Variants in PTPRM observed in about 807,000 individuals in gnomAD.
The protein encoded by PTPRM is protein tyrosine phosphatase receptor type M.
In PTPRM, 47 loss-of-function variants were observed where a neutral mutation model predicts 186.7. The ratio of observed to expected loss-of-function variants is 0.25; its 90% CI spans 0.20 to 0.32. The LOEUF is 0.32. PTPRM is among the 10% of genes least tolerant of loss of function. The pLI, the probability that PTPRM is intolerant of heterozygous loss-of-function variation, is 1.00. For missense variants in PTPRM, 1,494 were observed against 1,865.0 expected (o/e 0.80, Z 3.66); for synonymous variants, 668 against 674.9 (o/e 0.99, Z 0.16).
intron 23 of PTPRM, among the ~76,000 whole-genome samples, chr18:8,361,598 T>C (rs570872471): frequency 6.6e-6 from 1 of 152,356 alleles, no homozygotes; most frequent in South Asian, 2.1e-4. Context: ...GAACCCATGC[T>C]CCTGACTCCT....
At chr18:7,573,765 T>G (rs1275285002) in intron 1 of PTPRM, among the ~76,000 whole-genome samples, 2 of 151,754 alleles carry the variant, frequency 1.3e-5, no homozygotes, top group East Asian at 1.9e-4. Context: ...AATTTTTGTA[T>G]TTTTAGTAGA....
chr18:8,161,565 G>C (rs1363944492), intron 14 of PTPRM, among the ~76,000 whole-genome samples: 1 of 152,036 alleles, frequency 6.6e-6, no homozygotes, highest in Non-Finnish European at 1.5e-5. Flanking sequence ...TTTTTGGTTG[G>C]CAATGAATCA....
At chr18:8,293,155 C>G (rs565061718) in intron 19 of PTPRM, among the ~76,000 whole-genome samples, 1 of 152,234 alleles carries the variant, frequency 6.6e-6, no homozygotes, top group South Asian at 2.1e-4. Context: ...AACTTGGGCC[C>G]CATCTGTAGG....
At chr18:7,996,493 C>T (rs1305520320) in intron 7 of PTPRM, among the ~76,000 whole-genome samples, 1 of 151,960 alleles carries the variant, frequency 6.6e-6, no homozygotes, top group African/African-American at 2.4e-5. Context: ...ACAAGGAAGC[C>T]CATTTTCACC....
chr18:7,623,182 G>A (rs1367897461), intron 1 of PTPRM, among the ~76,000 whole-genome samples: 1 of 152,020 alleles, frequency 6.6e-6, no homozygotes, highest in Non-Finnish European at 1.5e-5. Context: ...TTACAATTTA[G>A]TTACTTAAAA....
At chr18:7,579,590 G>C (rs1055705451) in intron 1 of PTPRM, among the ~76,000 whole-genome samples, 2 of 152,148 alleles carry the variant, frequency 1.3e-5, no homozygotes, top group Admixed American at 1.3e-4. Context: ...TATATATCTT[G>C]CAACTTGGTG....
chr18:7,913,475 G>T (rs943288806), intron 4 of PTPRM, among the ~76,000 whole-genome samples: 5 of 152,122 alleles, frequency 3.3e-5, no homozygotes, highest in African/African-American at 4.8e-5. Flanking sequence ...TTTTGTAAAT[G>T]CTTGTTTTTA....
chr18:8,195,994 G>C (rs754065023), intron 14 of PTPRM, among the ~76,000 whole-genome samples: 1 of 152,170 alleles, frequency 6.6e-6, no homozygotes, highest in Non-Finnish European at 1.5e-5. Context: ...ATCGTTACTA[G>C]TTAGTTGGTA....
chr18:8,029,865 C>T (rs912430921), intron 7 of PTPRM, among the ~76,000 whole-genome samples: 1 of 152,168 alleles, frequency 6.6e-6, no homozygotes, highest in Non-Finnish European at 1.5e-5. Flanking sequence ...ACTTTCCTGC[C>T]CCCTGTGTGA....
intron 4 of PTPRM, among the ~76,000 whole-genome samples, chr18:7,909,494 G>A (rs2050156957): frequency 6.6e-6 from 1 of 152,170 alleles, no homozygotes; most frequent in Non-Finnish European, 1.5e-5. Context: ...AATGGGGGAA[G>A]CATGCAAATA....
At chr18:8,126,027 A>ATATATATATATTTTTTTTTTT (rs57751538) in intron 13 of PTPRM, among the ~76,000 whole-genome samples, 3 of 69,536 alleles carry the variant, frequency 4.3e-5, no homozygotes, top group South Asian at 5.5e-4. Context: ...ATATATATAT[A>ATATATATATATTTTTTTTTTT]TTTTAAATCA....
chr18:8,387,747 T>C (rs535487729), intron 31 of PTPRM, among the ~76,000 whole-genome samples: 4 of 95,322 alleles, frequency 4.2e-5, no homozygotes, highest in African/African-American at 1.6e-4. Flanking sequence ...TGTGTGTGTG[T>C]GCGTGTGTGC....
chr18:7,951,637 C>T (rs1438088428), intron 6 of PTPRM, among the ~76,000 whole-genome samples: 2 of 152,176 alleles, frequency 1.3e-5, no homozygotes, highest in African/African-American at 4.8e-5. Context: ...TTTCCGCACA[C>T]TGCCACAGCT....
At chr18:8,122,251 T>A (rs974360991) in intron 13 of PTPRM, 2 of 152,612 alleles carry the variant, frequency 1.3e-5, no homozygotes. Context: ...GCTGCGATAA[T>A]CGTGACTCAG....
chr18:7,674,137 T>G (rs1338702405), intron 1 of PTPRM, among the ~76,000 whole-genome samples: 1 of 152,100 alleles, frequency 6.6e-6, no homozygotes, highest in African/African-American at 2.4e-5. Context: ...GTTCTTAACC[T>G]TGCCTGCACA....
intron 1 of PTPRM, among the ~76,000 whole-genome samples, chr18:7,675,745 T>G (rs1243782429): frequency 6.6e-6 from 1 of 151,728 alleles, no homozygotes; most frequent in African/African-American, 2.4e-5. Context: ...AGCATTTTTT[T>G]TTTTTTTGAG....
intron 19 of PTPRM, among the ~76,000 whole-genome samples, chr18:8,285,395 A>T (rs2147781563): frequency 6.6e-6 from 1 of 152,312 alleles, no homozygotes; most frequent in African/African-American, 2.4e-5. Flanking sequence ...CAGTGAATTC[A>T]GTTTTCCCCA....
intron 1 of PTPRM, among the ~76,000 whole-genome samples, chr18:7,723,855 C>A (rs2040495601): frequency 6.6e-6 from 1 of 152,192 alleles, no homozygotes; most frequent in Non-Finnish European, 1.5e-5. Context: ...ATACTCCCTG[C>A]ATTTCCCTCA....
At chr18:8,376,398 T>G (rs750079924) in intron 25 of PTPRM, 64 bp from the exon 26 acceptor site, 9 of 1,608,288 alleles carry the variant, frequency 5.6e-6, no homozygotes, top group African/African-American at 1.3e-5. Context: ...GATAAAAAAT[T>G]TAAAAAGCAG....
Sources: gnomAD v4.1 joint callset for allele counts (sites outside exome capture counted in the v4.1 genomes callset) on GRCh38, gnomAD v4.1.1 for gene constraint, MANE v1.5 for transcripts, NCBI Gene and HGNC (gene_info 2026-07-23, HGNC 2026-07-21) for gene names.